Variants in CRYBB2 observed in about 807,000 individuals in gnomAD.
The protein encoded by CRYBB2 is beta-crystallin B2.
In CRYBB2, 12 loss-of-function variants were observed where a neutral mutation model predicts 24.3. That is an observed-to-expected ratio of 0.49 (90% CI 0.32 to 0.80). CRYBB2 has a LOEUF of 0.80. Ranked by LOEUF, CRYBB2 falls within the 30% of genes least tolerant of loss-of-function variation. The pLI, the probability that CRYBB2 is intolerant of heterozygous loss-of-function variation, is 0.04. For missense variants in CRYBB2, 198 were observed against 268.5 expected, an observed-to-expected ratio of 0.74 and a Z score of 1.83; for synonymous variants, 98 against 101.6, an observed-to-expected ratio of 0.96 and a Z score of 0.21.
At chr22:25,218,184 G>T (rs149839496), upstream of CRYBB2, among the ~76,000 whole-genome samples, 19 of 152,076 alleles carry the variant, frequency 1.2e-4, no homozygotes, top group African/African-American at 3.4e-4. Context: ...GTGTGAACAC[G>T]GGAGGCAGAG....
chr22:25,212,695 A>G (rs1292058788), exon 1 of CRYBB2: 1 of 152,224 alleles, frequency 6.6e-6, no homozygotes, highest in Non-Finnish European at 1.5e-5. Flanking sequence ...CAGCATCCAC[A>G]TGCCTATGTG....
chr22:25,231,856 T>C lies in CRYBB2; in HGVS notation c.*84T>C. On this transcript the variant is annotated 3_prime_UTR_variant, in exon 6 of 6. Coordinates refer to ENST00000398215, the MANE Select transcript of CRYBB2 (RefSeq NM_000496.3). The stretch of plus-strand genomic sequence containing the variant: ...GACCTCCCAGAGAGTGAATAAAGTG[T>C]GACTTGCAACTTGTCTGCTGTGGGT... 1 of 1,314,080 alleles carries C rather than the reference T, an allele frequency of 7.6e-7. No homozygotes were observed. The allele number at this position is 1,314,080 out of a possible 1,614,324, so 81.4% of individuals were successfully genotyped here. A position where few individuals can be genotyped will look rare whatever the true frequency, so the allele number is the denominator to read the frequency against.
chr22:25,225,019 C>T lies in CRYBB2; in HGVS notation c.156C>T (p.Val52=). The change falls in exon 3 of 6, where the codon GTC becomes GTT. Residue 52 remains valine (V), a synonymous_variant. Coordinates refer to ENST00000398215, the MANE Select transcript of CRYBB2 (RefSeq NM_000496.3). ...KETGVEKAGS[V]LVQAGPWVGY... ...CTGGCGTGGAGAAGGCAGGTTCTGTCCTAGTGCAGGCTGGACCGTAAGTAC... is the reference window on the plus strand; with the variant it reads ...CTGGCGTGGAGAAGGCAGGTTCTGTTCTAGTGCAGGCTGGACCGTAAGTAC... 1 of 1,604,196 alleles carries T rather than the reference C, an allele frequency of 6.2e-7. No homozygotes were observed. The highest frequency in any genetic ancestry group is 8.5e-7 in the Non-Finnish European group (1 of 1,170,868).
upstream of CRYBB2, among the ~76,000 whole-genome samples, chr22:25,216,590 C>T (rs1206070371): frequency 6.6e-6 from 1 of 152,208 alleles, no homozygotes; most frequent in African/African-American, 2.4e-5. Flanking sequence ...CAGAATTACA[C>T]AACAATAAAC....
At chr22:25,224,853 G>C in intron 2 of CRYBB2, 65 bp from the exon 3 acceptor site, 2 of 898,186 alleles carry the variant, frequency 2.2e-6, no homozygotes, top group Non-Finnish European at 3.8e-6. Flanking sequence ...CCCTCCCCAC[G>C]TCTACCACCC....
At chr22:25,221,205 C>G (rs552325562) in intron 1 of CRYBB2, among the ~76,000 whole-genome samples, 199 bp from the exon 2 acceptor site, 2 of 152,292 alleles carry the variant, frequency 1.3e-5, no homozygotes, top group South Asian at 4.1e-4. Flanking sequence ...CCTCCTCCTG[C>G]AGCTGGCCTG....
upstream of CRYBB2, among the ~76,000 whole-genome samples, chr22:25,218,207 T>C (rs5760917): frequency 0.97 from 146,841 of 151,080 alleles, 71,383 homozygotes; most frequent in East Asian, 1. Context: ...TGCAGTGAGC[T>C]GAGATCGTGC....
intron 1 of CRYBB2, chr22:25,213,357 A>T (rs920466164): frequency 6.6e-6 from 1 of 152,126 alleles, no homozygotes; most frequent in Non-Finnish European, 1.5e-5. Flanking sequence ...GTGGAGAGGA[A>T]GGTTTGAGTC....
chr22:25,229,927 A>G (rs1396705014), intron 5 of CRYBB2, among the ~76,000 whole-genome samples: 1 of 151,458 alleles, frequency 6.6e-6, no homozygotes, highest in Non-Finnish European at 1.5e-5. Context: ...GTAGTCTGAA[A>G]GCTATGAGAA....
At chr22:25,215,320 A>G (rs919243149), upstream of CRYBB2, among the ~76,000 whole-genome samples, 1 of 152,250 alleles carries the variant, frequency 6.6e-6, no homozygotes, top group African/African-American at 2.4e-5. Flanking sequence ...TGCCTTAAGG[A>G]TATGCTCCTG....
At chr22:25,229,947 C>A (rs1007482849) in intron 5 of CRYBB2, among the ~76,000 whole-genome samples, 7 of 151,086 alleles carry the variant, frequency 4.6e-5, no homozygotes, top group Non-Finnish European at 1.0e-4. Flanking sequence ...AGCAGGAGGA[C>A]CAGCCCATGC....
At chr22:25,217,217 T>C (rs1360620646), upstream of CRYBB2, among the ~76,000 whole-genome samples, 1 of 151,930 alleles carries the variant, frequency 6.6e-6, no homozygotes, top group Non-Finnish European at 1.5e-5. Flanking sequence ...CTGTTTTCCG[T>C]AGTGGCAACA....
upstream of CRYBB2, among the ~76,000 whole-genome samples, chr22:25,218,770 AGAG>A (rs1829420013): frequency 3.9e-5 from 1 of 25,732 alleles, no homozygotes; most frequent in African/African-American, 2.0e-4. Context: ...AGAGAGAGAG[AGAG>A]AGAGAGAAGA....
At chr22:25,230,950 C>T (rs1935520952) in intron 5 of CRYBB2, among the ~76,000 whole-genome samples, 3 of 152,128 alleles carry the variant, frequency 2.0e-5, no homozygotes, top group South Asian at 4.1e-4. Flanking sequence ...ACGAGAGCAG[C>T]ATGTGCAAAG....
chr22:25,217,816 G>A (rs544371920), upstream of CRYBB2, among the ~76,000 whole-genome samples: 68 of 152,280 alleles, frequency 4.5e-4, no homozygotes, highest in Non-Finnish European at 4.0e-4. Context: ...GCTGGGGCAT[G>A]TGTGTGTAGT....
At chr22:25,223,007 G>A (rs543884145) in intron 2 of CRYBB2, among the ~76,000 whole-genome samples, 2 of 152,302 alleles carry the variant, frequency 1.3e-5, no homozygotes, top group South Asian at 2.1e-4. Context: ...GTGTGGGACA[G>A]TGCAGGCTTA....
At chr22:25,220,868 C>T (rs1052139484) in intron 1 of CRYBB2, among the ~76,000 whole-genome samples, 5 of 152,068 alleles carry the variant, frequency 3.3e-5, no homozygotes, top group Non-Finnish European at 7.4e-5. Flanking sequence ...GGGAGTAAAA[C>T]CAGTGGCAGA....
intron 4 of CRYBB2, among the ~76,000 whole-genome samples, chr22:25,229,111 G>A (rs994170420): frequency 2.6e-5 from 4 of 151,384 alleles, no homozygotes; most frequent in African/African-American, 9.7e-5. Flanking sequence ...GTGTGTGTGT[G>A]CATGTGTGGG....
chr22:25,218,773 GAGAGAGAAGA>G (rs1298213266), upstream of CRYBB2, among the ~76,000 whole-genome samples: 50 of 32,194 alleles, frequency 1.6e-3, no homozygotes, highest in African/African-American at 4.9e-3. Context: ...GAGAGAGAGA[GAGAGAGAAGA>G]AAGAAAGAAA....
Sources: gnomAD v4.1 joint callset for allele counts (sites outside exome capture counted in the v4.1 genomes callset) on GRCh38, gnomAD v4.1.1 for gene constraint, MANE v1.5 for transcripts, NCBI Gene and HGNC (gene_info 2026-07-23, HGNC 2026-07-21) for gene names.